Variants in LDLRAD4 observed in about 807,000 individuals in gnomAD.
LDLRAD4 encodes low-density lipoprotein receptor class A domain-containing protein 4.
LDLRAD4 carries 5 observed loss-of-function variants against 17.0 expected under a neutral mutation model. The observed-to-expected ratio is 0.29, with a 90% CI of 0.15 to 0.62. The LOEUF is 0.62. LDLRAD4 is among the 20% of genes least tolerant of loss of function. The pLI is 0.84. For synonymous variants in LDLRAD4, 168 were observed against 171.8 expected (o/e 0.98, Z 0.17); for missense variants, 340 against 424.7 (o/e 0.80, Z 1.75).
chr18:13,327,324 T>G (rs958877723), intron 1 of LDLRAD4, among the ~76,000 whole-genome samples: 4 of 151,688 alleles, frequency 2.6e-5, no homozygotes, highest in Admixed American at 2.6e-4. Context: ...TGATGATGAG[T>G]GTATGTGGCC....
At chr18:13,483,762 C>G (rs890175677) in intron 3 of LDLRAD4, among the ~76,000 whole-genome samples, 3 of 152,136 alleles carry the variant, frequency 2.0e-5, no homozygotes, top group African/African-American at 7.2e-5. Flanking sequence ...AGACCCTTTC[C>G]CAAGCAGCTC....
chr18:13,298,552 G>T (rs1392003204), intron 1 of LDLRAD4, among the ~76,000 whole-genome samples: 1 of 150,006 alleles, frequency 6.7e-6, no homozygotes, highest in Non-Finnish European at 1.5e-5. Context: ...TGATGGAGCT[G>T]CTCTGGGCAC....
At chr18:13,276,668 A>G (rs1319722373), upstream of LDLRAD4, among the ~76,000 whole-genome samples, 1 of 152,208 alleles carries the variant, frequency 6.6e-6, no homozygotes, top group Admixed American at 6.5e-5. Flanking sequence ...AGGCCCCATC[A>G]TGAGGTGGCA....
At chr18:13,532,626 C>T (rs1226118329) in intron 3 of LDLRAD4, among the ~76,000 whole-genome samples, 3 of 152,320 alleles carry the variant, frequency 2.0e-5, no homozygotes, top group African/African-American at 4.8e-5. Context: ...TAACCAGTCT[C>T]GTCTCAGCCC....
upstream of LDLRAD4, among the ~76,000 whole-genome samples, chr18:13,277,027 A>C (rs773717042): frequency 4.6e-5 from 7 of 152,236 alleles, no homozygotes; most frequent in Non-Finnish European, 7.3e-5. Context: ...CTCAGCAGGC[A>C]GGAAACAGGA....
At chr18:13,315,392 C>T (rs1421313714) in intron 1 of LDLRAD4, among the ~76,000 whole-genome samples, 2 of 152,180 alleles carry the variant, frequency 1.3e-5, no homozygotes, top group African/African-American at 4.8e-5. Flanking sequence ...ACAATGGAAA[C>T]AGCAACAGGT....
At chr18:13,481,501 C>T (rs1171610146) in intron 3 of LDLRAD4, among the ~76,000 whole-genome samples, 2 of 152,202 alleles carry the variant, frequency 1.3e-5, no homozygotes, top group Non-Finnish European at 2.9e-5. Context: ...TGCATGGCCC[C>T]GTCTGCTGGG....
chr18:13,379,390 G>C (rs1044170720), intron 1 of LDLRAD4, among the ~76,000 whole-genome samples: 4 of 152,246 alleles, frequency 2.6e-5, no homozygotes, highest in African/African-American at 4.8e-5. Flanking sequence ...CTGAGGCTCA[G>C]CTAGAATTCT....
rs145777709 is a variant in LDLRAD4, at chr18:13,605,963, T to A, written c.182-15154T>A. 5.0e-3 allele frequency among the ~76,000 whole-genome samples: 768 copies of A among 152,260 alleles called. 7 individuals are homozygous for A. Among genetic ancestry groups the A allele is most frequent in the African/African-American group, 0.017 (726 of 41,536 alleles). On this transcript the variant is annotated intron_variant, in intron 3 of 5. Coordinates refer to ENST00000359446, the Ensembl canonical transcript of LDLRAD4. ...CCAGTTCCCCAGGTCTGGGCGGGGC[T>A]CAAGATCGCATTTCTCATAAGCTCC...
intron 1 of LDLRAD4, among the ~76,000 whole-genome samples, chr18:13,254,186 G>C (rs1031661491): frequency 1.3e-5 from 2 of 152,218 alleles, no homozygotes; most frequent in Non-Finnish European, 2.9e-5. Context: ...GCGCCGTGAA[G>C]GCAGAAGAGC....
At chr18:13,459,718 TTG>T (rs1453917097) in intron 3 of LDLRAD4, among the ~76,000 whole-genome samples, 2 of 152,180 alleles carry the variant, frequency 1.3e-5, no homozygotes, top group Non-Finnish European at 2.9e-5. Flanking sequence ...TTTGTATAGC[TTG>T]TTATAGCAGC....
At chr18:13,606,421 T>C (rs2095224958) in intron 3 of LDLRAD4, among the ~76,000 whole-genome samples, 1 of 152,246 alleles carries the variant, frequency 6.6e-6, no homozygotes, top group African/African-American at 2.4e-5. Flanking sequence ...CTGTTTAATC[T>C]GAACTAATTT....
chr18:13,364,440 C>A (rs1010803405), intron 1 of LDLRAD4, among the ~76,000 whole-genome samples: 1 of 152,082 alleles, frequency 6.6e-6, no homozygotes, highest in African/African-American at 2.4e-5. Flanking sequence ...TGGGCTCAAG[C>A]GATCCTCCTG....
At chr18:13,308,108 C>T (rs575265795) in intron 1 of LDLRAD4, among the ~76,000 whole-genome samples, 7 of 152,290 alleles carry the variant, frequency 4.6e-5, no homozygotes, top group African/African-American at 1.4e-4. Flanking sequence ...AATTAGCCAC[C>T]TCCACCCTTC....
chr18:13,612,338 C>T (rs1226069956), intron 3 of LDLRAD4: 1 of 1,116,812 alleles, frequency 9.0e-7, no homozygotes, highest in Non-Finnish European at 1.1e-6. Flanking sequence ...CCTGGGTGTA[C>T]AGCTGGTCTC....
Position 13,645,958 on chromosome 18 carries a change from C to T in LDLRAD4, c.*301C>T, listed in dbSNP as rs1209703681. 1 of 270,830 alleles carries T rather than the reference C, an allele frequency of 3.7e-6. No individual in the cohort carries two copies. The highest frequency in any genetic ancestry group is 2.2e-5 in the African/African-American group (1 of 45,650). 16.8% of individuals were successfully genotyped at this position (270,830 alleles called of 1,614,324 possible). Reference sequence around the variant, plus strand: ...CTTTGAAGATACCATGAAATAAAACCCACAGAGGTATTTGATGTATTTAAT... The same window carrying T: ...CTTTGAAGATACCATGAAATAAAACTCACAGAGGTATTTGATGTATTTAAT... On this transcript the variant is annotated 3_prime_UTR_variant, in exon 6 of 6. Transcript: ENST00000359446. The surrounding 1 kb of genome is among the most constrained non-coding windows in gnomAD (Gnocchi z 5.7).
chr18:13,498,342 A>G (rs1200263821), intron 3 of LDLRAD4, among the ~76,000 whole-genome samples: 4 of 135,290 alleles, frequency 3.0e-5, no homozygotes, highest in Non-Finnish European at 4.6e-5. Flanking sequence ...ACACTGGAGA[A>G]TCCTTCTCCC....
intron 3 of LDLRAD4, among the ~76,000 whole-genome samples, chr18:13,582,131 C>A (rs1254327368): frequency 6.6e-6 from 1 of 152,092 alleles, no homozygotes; most frequent in Non-Finnish European, 1.5e-5. Context: ...TCAATATTTT[C>A]TACTAAAATG....
intron 3 of LDLRAD4, among the ~76,000 whole-genome samples, chr18:13,567,410 CCTG>C (rs1391152237): frequency 6.6e-6 from 1 of 152,208 alleles, no homozygotes; most frequent in East Asian, 1.9e-4. Context: ...GTTCCTGAGG[CCTG>C]CTGCCGTAGG....
Sources: allele counts gnomAD v4.1 joint callset (sites outside exome capture counted in the v4.1 genomes callset), GRCh38; gene constraint gnomAD v4.1.1; non-coding constraint Gnocchi (gnomAD v3.1); transcripts MANE v1.5; gene names NCBI Gene and HGNC (gene_info 2026-07-23, HGNC 2026-07-21).